The following MCTP2 variants were observed in gnomAD, a reference collection of about 807,000 sequenced individuals.
The protein encoded by MCTP2 is multiple C2 and transmembrane domain containing 2, also known as multiple C2 and transmembrane domain-containing protein 2.
MCTP2 carries 132 observed loss-of-function variants against 111.6 expected under a neutral mutation model. The observed-to-expected ratio is 1.18, with a 90% CI of 1.03 to 1.37. MCTP2 has a LOEUF of 1.37. Among genes scored for constraint, MCTP2 ranks in the 40% most tolerant of loss-of-function variants. The pLI, the probability that MCTP2 is intolerant of heterozygous loss-of-function variation, is 0.00. For missense variants in MCTP2, 1,183 were observed against 1,067.9 expected (o/e 1.11, Z -1.50); for synonymous variants, 395 against 387.7 (o/e 1.02, Z -0.22).
At chr15:94,430,359 TA>T (rs893631374) in intron 17 of MCTP2, among the ~76,000 whole-genome samples, 8 of 144,224 alleles carry the variant, frequency 5.5e-5, no homozygotes, top group Non-Finnish European at 9.1e-5. Context: ...GCTGCCTTTT[TA>T]AAAAAAAACA....
chr15:94,382,455 T>C (rs897494142), intron 12 of MCTP2, among the ~76,000 whole-genome samples: 2 of 152,262 alleles, frequency 1.3e-5, no homozygotes, highest in African/African-American at 4.8e-5. Flanking sequence ...TAGCATTGAC[T>C]TAAAAGCTTT....
At chr15:94,259,670 A>G (rs12911308) in intron 1 of MCTP2, among the ~76,000 whole-genome samples, 20,321 of 152,212 alleles carry the variant, frequency 0.13, 1,490 homozygotes, top group Middle Eastern at 0.17. Context: ...GAACTCCAAA[A>G]ACAAACCTGG....
Position 94,435,882 on chromosome 15 carries a change from C to T in MCTP2, c.2086-4294C>T, listed in dbSNP as rs541860809. Among the ~76,000 whole-genome samples the T allele has an allele frequency of 7.2e-5, 11 of 151,808 alleles. No homozygotes were observed. The East Asian group carries it at 7.8e-4, about 11-fold the overall frequency. ...TCCTGACCTCGTGATCCGCCCGCCTCGGCCTCCCAAAGTGCTGGGATTACA... is the reference window on the plus strand; with the variant it reads ...TCCTGACCTCGTGATCCGCCCGCCTTGGCCTCCCAAAGTGCTGGGATTACA... On this transcript the variant is annotated intron_variant, in intron 17 of 22. Coordinates refer to ENST00000357742, the MANE Select transcript of MCTP2 (RefSeq NM_001385001.1).
intron 1 of MCTP2, among the ~76,000 whole-genome samples, chr15:94,282,531 T>C (rs1022696412): frequency 1.3e-5 from 2 of 152,234 alleles, no homozygotes; most frequent in African/African-American, 2.4e-5. Context: ...CTGAATTCTA[T>C]GTCTGTCATT....
At chr15:94,415,719 C>T (rs982683652) in intron 17 of MCTP2, among the ~76,000 whole-genome samples, 5 of 151,508 alleles carry the variant, frequency 3.3e-5, no homozygotes, top group Non-Finnish European at 4.4e-5. Flanking sequence ...ACATTTAGGA[C>T]GTGATAACTT....
At chr15:94,361,004 GAA>G (rs972426335) in intron 10 of MCTP2, among the ~76,000 whole-genome samples, 9 of 143,096 alleles carry the variant, frequency 6.3e-5, no homozygotes, top group African/African-American at 2.3e-4. Context: ...TTCTCAGACT[GAA>G]AGATTGTGCT....
intron 17 of MCTP2, among the ~76,000 whole-genome samples, chr15:94,424,668 T>C (rs2082793605): frequency 6.6e-6 from 1 of 152,226 alleles, no homozygotes. Context: ...CAAGTGATTA[T>C]TGAACCATCA....
chr15:94,411,904 TC>T (rs1331320294), intron 17 of MCTP2, among the ~76,000 whole-genome samples: 2 of 152,200 alleles, frequency 1.3e-5, no homozygotes, highest in African/African-American at 4.8e-5. Flanking sequence ...AAATGACTTT[TC>T]TATTGCTTCC....
At chr15:94,358,423 C>T (rs1288698393) in intron 9 of MCTP2, 59 bp from the exon 10 acceptor site, 8 of 1,479,672 alleles carry the variant, frequency 5.4e-6, no homozygotes, top group Non-Finnish European at 7.4e-6. Context: ...TAATGTGTAG[C>T]TTCTGTAGCA....
Position 94,244,146 on chromosome 15 carries a change from G to A in MCTP2, c.-66+12482G>A, listed in dbSNP as rs545157409. 3.0e-3 allele frequency among the ~76,000 whole-genome samples: 432 copies of A among 144,690 alleles called. 3 individuals carry two copies. Among genetic ancestry groups the A allele is most frequent in the African/African-American group, 0.011 (419 of 38,818 alleles). 94.9% of individuals were successfully genotyped at this position (144,690 alleles called of 152,430 possible). A position where few individuals can be genotyped will look rare whatever the true frequency, so the allele number is the denominator to read the frequency against. On this transcript the variant is annotated intron_variant, in intron 1 of 22. Coordinates refer to ENST00000357742, the MANE Select transcript of MCTP2 (RefSeq NM_001385001.1). The stretch of plus-strand genomic sequence containing the variant: ...TACACATGTATACACATGCATATGT[G>A]TATATGTTTATATACACGTGTATAC...
At chr15:94,439,707 A>G (rs140821834) in intron 17 of MCTP2, among the ~76,000 whole-genome samples, 126 of 152,306 alleles carry the variant, frequency 8.3e-4, no homozygotes, top group African/African-American at 2.9e-3. Context: ...GTGTCCATAT[A>G]GTCTCGAAAT....
At chr15:94,336,611 C>T (rs774011144) in intron 4 of MCTP2, among the ~76,000 whole-genome samples, 6 of 151,412 alleles carry the variant, frequency 4.0e-5, no homozygotes, top group East Asian at 3.9e-4. Flanking sequence ...GTCACATGGT[C>T]GTTAGGAAGG....
intron 20 of MCTP2, among the ~76,000 whole-genome samples, chr15:94,467,982 G>A (rs894170619): frequency 6.6e-6 from 1 of 152,282 alleles, no homozygotes; most frequent in Middle Eastern, 3.4e-3. Flanking sequence ...CTGGATGAGG[G>A]GAGGGCTTTG....
At chr15:94,443,843 C>G (rs1424591575) in intron 19 of MCTP2, among the ~76,000 whole-genome samples, 1 of 151,692 alleles carries the variant, frequency 6.6e-6, no homozygotes, top group African/African-American at 2.4e-5. Flanking sequence ...GGAAAATGAC[C>G]TTTTTCAGAA....
At chr15:94,470,732 T>C (rs1413718424) in intron 21 of MCTP2, among the ~76,000 whole-genome samples, 1 of 152,190 alleles carries the variant, frequency 6.6e-6, no homozygotes, top group Non-Finnish European at 1.5e-5. Flanking sequence ...TTGGATAATA[T>C]ATTGCTGTGC....
In MCTP2 at chr15:94,482,139, A is replaced by C. The variant is rs972249747; in HGVS notation, c.*3105A>C. On this transcript the variant is annotated 3_prime_UTR_variant, in exon 23 of 23. Transcript: ENST00000357742. ...ATATTGAATGCCGATAATTTTCTGG[A>C]ACAAAACAGACTACATTCCCTTGGT... 1.3e-5 allele frequency: 2 copies of C among 152,200 alleles called. No individual in the cohort carries two copies. The highest frequency in any genetic ancestry group is 4.8e-5 in the African/African-American group (2 of 41,462). The allele number at this position is 152,200 out of a possible 1,614,324, so 9.4% of individuals were successfully genotyped here.
intron 1 of MCTP2, among the ~76,000 whole-genome samples, chr15:94,256,571 G>C (rs1185543331): frequency 6.6e-6 from 1 of 152,170 alleles, no homozygotes; most frequent in Non-Finnish European, 1.5e-5. Flanking sequence ...TTTAAATTGA[G>C]AGGCTATTTT....
rs115337387 is a variant in MCTP2 at position 94,474,577 on chromosome 15, G to T, written c.2471-2119G>T. ...TTGTCCCTTAAAGAATGACCAAGGT[G>T]GCTGGGTGTGGTGGCTCACGCCTGT... is the stretch of plus-strand genomic sequence containing the variant. On this transcript the variant is annotated intron_variant, in intron 21 of 22. Transcript: ENST00000357742. Among the ~76,000 whole-genome samples the T allele has an allele frequency of 6.4e-3, 974 of 152,248 alleles. 14 individuals carry two copies. Among genetic ancestry groups the T allele is most frequent in the African/African-American group, 0.022 (930 of 41,536 alleles).
intron 4 of MCTP2, among the ~76,000 whole-genome samples, chr15:94,335,123 C>G (rs2077296381): frequency 6.6e-6 from 1 of 152,138 alleles, no homozygotes; most frequent in African/African-American, 2.4e-5. Flanking sequence ...GGTTTCCTAG[C>G]TTTACCCTCT....
Sources: gnomAD v4.1 joint callset for allele counts (sites outside exome capture counted in the v4.1 genomes callset) on GRCh38, gnomAD v4.1.1 for gene constraint, MANE v1.5 for transcripts, NCBI Gene and HGNC (gene_info 2026-07-23, HGNC 2026-07-21) for gene names.